The following LRRC1 variants were observed in gnomAD, a reference collection of about 807,000 sequenced individuals.
LRRC1 encodes leucine rich repeat containing 1.
LRRC1 carries 28 observed loss-of-function variants against 69.9 expected under a neutral mutation model. The observed-to-expected ratio is 0.40, with a 90% CI of 0.30 to 0.55. LRRC1 has a LOEUF of 0.55. Ranked by LOEUF, LRRC1 falls within the 20% of genes least tolerant of loss-of-function variation. The probability of loss-of-function intolerance (pLI) is 0.47; values close to 1 mark genes in which losing one functional copy is unlikely to be tolerated. For synonymous variants in LRRC1, 236 were observed against 240.2 expected (o/e 0.98, Z 0.16); for missense variants, 498 against 609.0 (o/e 0.82, Z 1.92).
intron 2 of LRRC1, among the ~76,000 whole-genome samples, chr6:53,866,722 A>G (rs1390920132): frequency 2.0e-5 from 3 of 152,172 alleles, no homozygotes; most frequent in Admixed American, 2.0e-4. Flanking sequence ...GTACTGAAAT[A>G]CTGTTTGTAA....
chr6:53,838,621 ACT>A (rs1408408051), intron 1 of LRRC1, among the ~76,000 whole-genome samples: 43 of 152,266 alleles, frequency 2.8e-4, no homozygotes, highest in African/African-American at 1.0e-3. Context: ...AACTGTCAAG[ACT>A]CTGTACAATT....
At chr6:53,892,027 C>T (rs1471395261) in intron 4 of LRRC1, among the ~76,000 whole-genome samples, 1 of 150,838 alleles carries the variant, frequency 6.6e-6, no homozygotes, top group Non-Finnish European at 1.5e-5. Flanking sequence ...CACACACACA[C>T]ACACACACAC....
Position 53,824,903 on chromosome 6 carries a change from A to AT in LRRC1, c.160-17206dup, listed in dbSNP as rs573957721. ...CATGCTTGAATGGGGAATTCACTGT[A>AT]TCCCCAGAGGACCCTGACACATTTT... On this transcript the variant is annotated intron_variant, in intron 1 of 13. Coordinates refer to ENST00000370888, the MANE Select transcript of LRRC1 (RefSeq NM_018214.5). Among the ~76,000 whole-genome samples, 48 of 152,334 alleles carry AT rather than the reference A, an allele frequency of 3.2e-4. No homozygotes were observed. In the Middle Eastern group the frequency reaches 0.01, roughly 32 times the overall value.
intron 2 of LRRC1, among the ~76,000 whole-genome samples, chr6:53,873,458 A>AT (rs35667628): frequency 0.38 from 52,718 of 139,982 alleles, 9,984 homozygotes; most frequent in East Asian, 0.63. Flanking sequence ...CGCCCGGCTA[A>AT]TTTTTTTTTT....
intron 2 of LRRC1, among the ~76,000 whole-genome samples, chr6:53,869,489 ATC>A (rs1158688989): frequency 6.6e-6 from 1 of 152,238 alleles, no homozygotes; most frequent in Non-Finnish European, 1.5e-5. Context: ...GCTGTATAGT[ATC>A]TCTTGTAAGA....
chr6:53,813,123 G>A (rs1562026540), intron 1 of LRRC1, among the ~76,000 whole-genome samples: 2 of 152,044 alleles, frequency 1.3e-5, no homozygotes, highest in African/African-American at 4.8e-5. Context: ...AGGAATGGGT[G>A]GGCAGAAAGA....
Position 53,923,151 on chromosome 6 carries a change from C to A in LRRC1, c.*358C>A. The A allele has an allele frequency of 5.7e-6, 1 of 176,780 alleles. No individual in the cohort carries two copies. Among genetic ancestry groups the A allele is most frequent in the Non-Finnish European group, 1.2e-5 (1 of 84,508 alleles). 11.0% of individuals were successfully genotyped at this position (176,780 alleles called of 1,614,324 possible). On this transcript the variant is annotated 3_prime_UTR_variant, in exon 14 of 14. Coordinates refer to ENST00000370888, the MANE Select transcript of LRRC1 (RefSeq NM_018214.5). ...TAAAGTGCTGGGATATTTTGAATCC[C>A]CCAAGTTCCCTTGGACCTACTGATG... is the stretch of plus-strand genomic sequence containing the variant.
chr6:53,813,007 C>T lies in LRRC1; in HGVS notation c.159+17592C>T, dbSNP rs564451951. Among the ~76,000 whole-genome samples, 4 of 152,014 alleles carry T rather than the reference C, an allele frequency of 2.6e-5. No individual in the cohort carries two copies. In the South Asian group the frequency reaches 6.2e-4, roughly 24 times the overall value. On this transcript the variant is annotated intron_variant, in intron 1 of 13. Transcript: ENST00000370888. ...GGTGGATTGTGGGTGCTGGTTCTAC[C>T]TATGGAATAGGGAGTGGCTGGATGA...
At chr6:53,833,587 C>T (rs563614240) in intron 1 of LRRC1, among the ~76,000 whole-genome samples, 3 of 152,236 alleles carry the variant, frequency 2.0e-5, no homozygotes, top group African/African-American at 7.2e-5. Context: ...AACTAATTTG[C>T]TTCTCTGAAA....
intron 10 of LRRC1, among the ~76,000 whole-genome samples, chr6:53,912,851 C>G (rs1056959320): frequency 6.6e-6 from 1 of 152,116 alleles, no homozygotes; most frequent in Non-Finnish European, 1.5e-5. Context: ...GGAGAGACAT[C>G]AATAGGTTCC....
In LRRC1 at chr6:53,922,918, G is replaced by A; in HGVS notation, c.*125G>A. ...CCCGCGCGCCATCTTCCCGTGGAGTGTGGGGAAGCTGCTGTCTCCCAGGAA... is the reference window on the plus strand; with the variant it reads ...CCCGCGCGCCATCTTCCCGTGGAGTATGGGGAAGCTGCTGTCTCCCAGGAA... On this transcript the variant is annotated 3_prime_UTR_variant, in exon 14 of 14. Coordinates refer to ENST00000370888, the MANE Select transcript of LRRC1 (RefSeq NM_018214.5). 1.2e-6 allele frequency: 1 copy of A among 863,254 alleles called. No individual in the cohort carries two copies. The highest frequency in any genetic ancestry group is 1.8e-5 in the South Asian group (1 of 54,702). 53.5% of individuals were successfully genotyped at this position (863,254 alleles called of 1,614,324 possible).
chr6:53,892,724 T>C (rs1217356401), intron 4 of LRRC1, among the ~76,000 whole-genome samples: 1 of 152,256 alleles, frequency 6.6e-6, no homozygotes, highest in Non-Finnish European at 1.5e-5. Context: ...TTCTGTTTTA[T>C]GTCAGCTCTG....
At chr6:53,848,371 G>C (rs115461793) in intron 2 of LRRC1, among the ~76,000 whole-genome samples, 1 of 152,194 alleles carries the variant, frequency 6.6e-6, no homozygotes, top group African/African-American at 2.4e-5. Context: ...GGGGTGAAGA[G>C]GAATCAGGCT....
intron 10 of LRRC1, among the ~76,000 whole-genome samples, chr6:53,909,352 G>A (rs1768339076): frequency 6.6e-6 from 1 of 152,184 alleles, no homozygotes; most frequent in African/African-American, 2.4e-5. Flanking sequence ...TCTAACCTGG[G>A]CAGTTTCTTA....
intron 2 of LRRC1, among the ~76,000 whole-genome samples, chr6:53,866,943 GC>G (rs1476350277): frequency 1.3e-5 from 2 of 151,970 alleles, no homozygotes; most frequent in Admixed American, 6.5e-5. Context: ...AGACTGAGCT[GC>G]TGAAGATTCA....
chr6:53,796,930 T>C (rs1453292444), intron 1 of LRRC1, among the ~76,000 whole-genome samples: 1 of 152,204 alleles, frequency 6.6e-6, no homozygotes, highest in Non-Finnish European at 1.5e-5. Flanking sequence ...ACCAGGAATA[T>C]AGAATATGTA....
In LRRC1 at chr6:53,919,488, A is replaced by C. The variant is rs1178995021; in HGVS notation, c.1107-10A>C. On this transcript the variant is annotated splice_polypyrimidine_tract_variant and intron_variant, in intron 11 of 13. Coordinates refer to ENST00000370888, the MANE Select transcript of LRRC1 (RefSeq NM_018214.5). ...GATGTCTCTTTTTTTAAAAAAAAAA[A>C]AAAAAACAGGTTGCTGCATCTACCT... 3.3e-6 allele frequency: 5 copies of C among 1,506,222 alleles called. No individual in the cohort carries two copies. Among genetic ancestry groups the C allele is most frequent in the Non-Finnish European group, 1.8e-6 (2 of 1,133,884 alleles). 93.3% of individuals were successfully genotyped at this position (1,506,222 alleles called of 1,614,324 possible). A position where few individuals can be genotyped will look rare whatever the true frequency, so the allele number is the denominator to read the frequency against.
At chr6:53,844,372 A>G (rs1477870624) in intron 2 of LRRC1, among the ~76,000 whole-genome samples, 2 of 152,212 alleles carry the variant, frequency 1.3e-5, no homozygotes, top group African/African-American at 2.4e-5. Flanking sequence ...GGCTCTGACT[A>G]TTTGGGCGGA....
Position 53,878,525 on chromosome 6 carries a change from T to C in LRRC1, c.278-468T>C, listed in dbSNP as rs1767150027. ...AACCTAGATCCCTCGCATGGGCAGT[T>C]GACAATAGGGCTCATGCTCTTATGA... On this transcript the variant is annotated intron_variant, in intron 2 of 13. Coordinates refer to ENST00000370888, the MANE Select transcript of LRRC1 (RefSeq NM_018214.5). 2.0e-5 allele frequency among the ~76,000 whole-genome samples: 3 copies of C among 152,158 alleles called. No individual in the cohort carries two copies. The South Asian group carries it at 6.2e-4, about 32-fold the overall frequency.
Sources: gnomAD v4.1 joint callset for allele counts (sites outside exome capture counted in the v4.1 genomes callset) on GRCh38, gnomAD v4.1.1 for gene constraint, MANE v1.5 for transcripts, NCBI Gene and HGNC (gene_info 2026-07-23, HGNC 2026-07-21) for gene names.